Variants in PCM1 observed in about 807,000 individuals in gnomAD.
The protein encoded by PCM1 is pericentriolar material 1 protein.
PCM1 carries 157 observed loss-of-function variants against 241.9 expected under a neutral mutation model. The ratio of observed to expected loss-of-function variants is 0.65; its 90% CI spans 0.57 to 0.74. The LOEUF (loss-of-function observed/expected upper bound fraction) is 0.74. PCM1 is among the 30% of genes least tolerant of loss of function. PCM1 has a pLI of 0.00. For missense variants in PCM1, 3,478 were observed against 2,360.1 expected (o/e 1.47, Z -9.81); for synonymous variants, 1,085 against 784.9 (o/e 1.38, Z -6.39).
At position 18,011,659 on chromosome 8, in the gene PCM1, C is replaced by A; in HGVS notation, c.5351-8C>A. 6.3e-7 allele frequency: 1 copy of A among 1,593,756 alleles called. No homozygotes were observed. ...AATTTACTAAAAATTGTGTATTAAT[C>A]AACTTAGATTTGTCTAAAGCTGAAA... On this transcript the variant is annotated splice_polypyrimidine_tract_variant and splice_region_variant and intron_variant, in intron 33 of 38. Transcript: ENST00000325083.
intron 6 of PCM1, among the ~76,000 whole-genome samples, chr8:17,942,926 G>C (rs1369430840): frequency 6.6e-6 from 1 of 151,776 alleles, no homozygotes; most frequent in Non-Finnish European, 1.5e-5. Context: ...GAACCCTGGA[G>C]GCGGAGGTTG....
rs1361687307 is a variant in PCM1 at position 18,028,304 on chromosome 8, A to AACTT, written c.*645_*648dup. On this transcript the variant is annotated 3_prime_UTR_variant, in exon 39 of 39. Transcript: ENST00000325083. ...TAGAACATAGGTTCTCAGTATCTAGAACTTACATCATTATCATCTGTTTGT... is the reference window on the plus strand; with the variant it reads ...TAGAACATAGGTTCTCAGTATCTAGAACTTACTTACATCATTATCATCTGTTTGT... 7.7e-5 allele frequency: 8 copies of AACTT among 104,356 alleles called. No homozygotes were observed. The highest frequency in any genetic ancestry group is 2.0e-4 in the African/African-American group (3 of 14,902). The allele number at this position is 104,356 out of a possible 1,614,324, so 6.5% of individuals were successfully genotyped here.
Position 17,929,709 on chromosome 8 carries a change from G to T in PCM1, c.-23+4929G>T, listed in dbSNP as rs151064857. On this transcript the variant is annotated intron_variant, in intron 2 of 38. Transcript: ENST00000325083. Reference sequence around the variant, plus strand: ...AATACAGTAGTCTGCCCTATTCTGTGTGGGATACCTTCCAGAGACCCCCAG... The same window carrying T: ...AATACAGTAGTCTGCCCTATTCTGTTTGGGATACCTTCCAGAGACCCCCAG... Among the ~76,000 whole-genome samples the T allele has an allele frequency of 2.0e-5, 3 of 152,194 alleles. No individual in the cohort carries two copies. In the East Asian group the frequency reaches 5.8e-4, roughly 29 times the overall value.
intron 5 of PCM1, 125 bp from the exon 6 acceptor site, chr8:17,939,566 A>T: frequency 4.1e-6 from 2 of 491,650 alleles, no homozygotes; most frequent in Middle Eastern, 4.7e-4. Context: ...TCACACAATA[A>T]TCCAAGTGTC....
chr8:17,966,088 A>G lies in PCM1; in HGVS notation c.2945A>G (p.Glu982Gly), dbSNP rs1190358996. The change falls in exon 19 of 39, where the codon GAA becomes GGA. Residue 982 changes from glutamate (E) to glycine (G), a missense_variant. By Grantham distance (98) the Glu-to-Gly change is moderately conservative. Transcript: ENST00000325083. ...RQQNISMQRQ[E>G]NLRWVSELSY... ...CAGAATATCAGCATGCAACGGCAAG[A>G]AAACCTTCGTTGGGTGTCAGAGCTC... 6.2e-7 allele frequency: 1 copy of G among 1,613,984 alleles called. No homozygotes were observed. Among genetic ancestry groups the G allele is most frequent in the African/African-American group, 1.3e-5 (1 of 75,068 alleles).
chr8:17,993,286 T>A (rs1189441829), intron 28 of PCM1, among the ~76,000 whole-genome samples, 197 bp from the exon 29 acceptor site: 2 of 152,168 alleles, frequency 1.3e-5, no homozygotes, highest in Non-Finnish European at 2.9e-5. Context: ...GTAAAAAATT[T>A]AAATATGTGA....
intron 36 of PCM1, among the ~76,000 whole-genome samples, chr8:18,017,253 G>T (rs184217362): frequency 2.0e-4 from 30 of 152,304 alleles, no homozygotes; most frequent in African/African-American, 6.5e-4. Context: ...AATCTCATTT[G>T]TTAAACATTC....
At chr8:17,995,808 T>G (rs2086495585) in intron 29 of PCM1, among the ~76,000 whole-genome samples, 1 of 152,124 alleles carries the variant, frequency 6.6e-6, no homozygotes, top group Non-Finnish European at 1.5e-5. Context: ...GTATTTAATT[T>G]TATTTGTGTC....
At chr8:18,019,764 C>T (rs559274152) in intron 36 of PCM1, among the ~76,000 whole-genome samples, 1 of 152,204 alleles carries the variant, frequency 6.6e-6, no homozygotes, top group African/African-American at 2.4e-5. Context: ...TGGCTCCCCC[C>T]ACCACTCACC....
intron 9 of PCM1, among the ~76,000 whole-genome samples, chr8:17,953,977 C>T (rs2067045089): frequency 2.0e-5 from 3 of 152,312 alleles, no homozygotes; most frequent in Admixed American, 2.0e-4. Flanking sequence ...GCCTCTGGTC[C>T]TTATTCTCCA....
In PCM1 at chr8:18,029,203, A is replaced by G. The variant is rs1467455756; in HGVS notation, c.*1541A>G. The G allele has an allele frequency of 5.2e-6, 1 of 193,348 alleles. No homozygotes were observed. Among genetic ancestry groups the G allele is most frequent in the Middle Eastern group, 1.8e-3 (1 of 548 alleles). The allele number at this position is 193,348 out of a possible 1,614,324, so 12.0% of individuals were successfully genotyped here. A position where few individuals can be genotyped will look rare whatever the true frequency, so the allele number is the denominator to read the frequency against. ...AAAAAGTTAACTTGCTGTATACCTC[A>G]GTGTAATGTCCATTCAAGGAGTATT... On this transcript the variant is annotated 3_prime_UTR_variant, in exon 39 of 39. Coordinates refer to ENST00000325083, the MANE Select transcript of PCM1 (RefSeq NM_006197.4).
chr8:17,946,832 AGTGTGTGT>A (rs368892136), intron 6 of PCM1, among the ~76,000 whole-genome samples: 1,574 of 138,374 alleles, frequency 0.011, 22 homozygotes, highest in Non-Finnish European at 0.018. Context: ...TAGATTCTTC[AGTGTGTGT>A]GTGTGTGTGT....
chr8:17,955,915 A>G, intron 10 of PCM1: 2 of 456,854 alleles, frequency 4.4e-6, no homozygotes, highest in Non-Finnish European at 8.0e-6. Flanking sequence ...TACAGTTAAA[A>G]TATTTCTATA....
At chr8:18,011,510 T>G in intron 33 of PCM1, 144 bp downstream of exon 33, 1 of 1,049,282 alleles carries the variant, frequency 9.5e-7, no homozygotes, top group Non-Finnish European at 1.3e-6. Flanking sequence ...GACTAAATTA[T>G]CTAGACTTTC....
intron 29 of PCM1, among the ~76,000 whole-genome samples, chr8:18,005,719 A>G (rs2091100931): frequency 6.6e-6 from 1 of 152,128 alleles, no homozygotes; most frequent in Non-Finnish European, 1.5e-5. Context: ...GACATTTCAG[A>G]ATGTCTAAAG....
chr8:17,983,145 T>C (rs1402232652), intron 24 of PCM1: 4 of 522,270 alleles, frequency 7.7e-6, no homozygotes, highest in Non-Finnish European at 1.2e-5. Context: ...CTTATTTCTT[T>C]TTTTCATTCA....
chr8:17,954,712 C>T (rs2129460101), intron 9 of PCM1, among the ~76,000 whole-genome samples: 1 of 152,210 alleles, frequency 6.6e-6, no homozygotes, highest in South Asian at 2.1e-4. Flanking sequence ...ATGACAGCAC[C>T]TTTGAAATGG....
At chr8:17,995,513 T>G (rs934851754) in intron 29 of PCM1, among the ~76,000 whole-genome samples, 1 of 151,294 alleles carries the variant, frequency 6.6e-6, no homozygotes, top group African/African-American at 2.5e-5. Context: ...ATTCTTCCAG[T>G]TTTGTTCTTT....
chr8:18,016,235 A>G (rs1276194167), intron 36 of PCM1, among the ~76,000 whole-genome samples: 1 of 152,060 alleles, frequency 6.6e-6, no homozygotes, highest in Non-Finnish European at 1.5e-5. Flanking sequence ...TAGATGTTTG[A>G]CAGTAACTAG....
Sources: gnomAD v4.1 joint callset for allele counts (sites outside exome capture counted in the v4.1 genomes callset) on GRCh38, gnomAD v4.1.1 for gene constraint, MANE v1.5 for transcripts, NCBI Gene and HGNC (gene_info 2026-07-23, HGNC 2026-07-21) for gene names.